The following OR56A3 variants were observed in gnomAD, a reference collection of about 807,000 sequenced individuals.
OR56A3 encodes the protein olfactory receptor 56A3.
Under a neutral mutation model 17.5 loss-of-function variants are expected in OR56A3, and 23 were observed. That is an observed-to-expected ratio of 1.32 (90% CI 0.95 to 1.87). The LOEUF (loss-of-function observed/expected upper bound fraction) is 1.87, where lower values mean the gene tolerates loss of function less well. Among genes scored for constraint, OR56A3 ranks in the 40% most tolerant of loss-of-function variants. OR56A3 has a pLI of 0.00. For missense variants in OR56A3, 366 were observed against 380.1 expected (o/e 0.96, Z 0.31); for synonymous variants, 175 against 150.6 (o/e 1.16, Z -1.19).
At chr11:6,001,815 G>T in the OR56A3 span, 2 of 445,460 alleles carry the variant, frequency 4.5e-6, no homozygotes, top group Non-Finnish European at 7.8e-6. Context: ...GATTAGATCA[G>T]GAAAAATTCC....
At chr11:6,001,930 A>G in the OR56A3 span, 1 of 970,894 alleles carries the variant, frequency 1.0e-6, no homozygotes, top group Admixed American at 3.0e-5. Flanking sequence ...TGAGAACAGA[A>G]GAATCCGAAC....
chr11:5,959,132 G>T, the OR56A3 span, among the ~76,000 whole-genome samples: 3 of 152,084 alleles, frequency 2.0e-5, no homozygotes, highest in Non-Finnish European at 4.4e-5. Context: ...CTTTCCTTTG[G>T]ATATATACCC....
the OR56A3 span, among the ~76,000 whole-genome samples, chr11:5,973,737 T>G: frequency 6.6e-6 from 1 of 152,214 alleles, no homozygotes; most frequent in Non-Finnish European, 1.5e-5. Context: ...ATTTTGTGGT[T>G]GAGCAGGCTG....
the OR56A3 span, chr11:6,002,425 G>A: frequency 1.9e-6 from 3 of 1,614,252 alleles, 1 homozygote; most frequent in South Asian, 3.3e-5. Flanking sequence ...TCACAAGAGA[G>A]TTTGGACACA....
At chr11:5,968,071 G>T in the OR56A3 span, 1 of 1,612,518 alleles carries the variant, frequency 6.2e-7, no homozygotes, top group South Asian at 1.1e-5. Flanking sequence ...GCGACAAATT[G>T]ATCAGTGATG....
At chr11:5,990,704 A>G in the OR56A3 span, among the ~76,000 whole-genome samples, 1 of 152,158 alleles carries the variant, frequency 6.6e-6, no homozygotes, top group South Asian at 2.1e-4. Context: ...CTAATAAAAG[A>G]CGAAGATACA....
the OR56A3 span, among the ~76,000 whole-genome samples, chr11:5,971,835 T>G: frequency 1.3e-5 from 2 of 152,186 alleles, no homozygotes; most frequent in Admixed American, 1.3e-4. Context: ...TCTGAAACTG[T>G]ACTACACAGA....
the OR56A3 span, among the ~76,000 whole-genome samples, chr11:5,966,479 A>G: frequency 1.3e-5 from 2 of 152,208 alleles, no homozygotes; most frequent in Non-Finnish European, 2.9e-5. Flanking sequence ...AATGATTCAA[A>G]AATAATATCT....
intron 1 of OR56A3, among the ~76,000 whole-genome samples, chr11:5,944,064 T>C (rs1590444056): frequency 6.6e-6 from 1 of 152,158 alleles, no homozygotes; most frequent in Non-Finnish European, 1.5e-5. Context: ...GCCCAGGGCA[T>C]GAAGAAGGGT....
chr11:5,987,497 A>G, the OR56A3 span, among the ~76,000 whole-genome samples: 2 of 152,186 alleles, frequency 1.3e-5, no homozygotes, highest in Admixed American at 6.5e-5. Flanking sequence ...TTACCCAAAT[A>G]TCCTTCTGAA....
At chr11:5,999,964 C>T in the OR56A3 span, 2 of 152,172 alleles carry the variant, frequency 1.3e-5, no homozygotes, top group Non-Finnish European at 2.9e-5. Context: ...AAGGAAACAA[C>T]AGGTGCTGGA....
At chr11:6,010,069 TTA>T in the OR56A3 span, among the ~76,000 whole-genome samples, 2 of 152,040 alleles carry the variant, frequency 1.3e-5, no homozygotes, top group South Asian at 2.1e-4. Flanking sequence ...AGGTGTTTTT[TTA>T]AAAAAAATAC....
the OR56A3 span, among the ~76,000 whole-genome samples, chr11:6,015,503 G>A: frequency 1.3e-5 from 2 of 152,212 alleles, no homozygotes; most frequent in African/African-American, 2.4e-5. Context: ...GTATTCTAGG[G>A]CTGCCAGCAG....
At chr11:5,986,844 AG>A in the OR56A3 span, 1 of 1,614,026 alleles carries the variant, frequency 6.2e-7, no homozygotes, top group Non-Finnish European at 8.5e-7. Flanking sequence ...CCAGGAGAAA[AG>A]AAGGCTGGGA....
In OR56A3 at chr11:5,947,697, C is replaced by T. The variant is rs746068914; in HGVS notation, c.351C>T (p.Cys117=). The change falls in exon 3 of 3, where the codon TGC becomes TGT. Residue 117 remains cysteine, a synonymous_variant. Coordinates refer to ENST00000641160, the MANE Select transcript of OR56A3 (RefSeq NM_001003443.3). ...IMNCFLAMES[C]TFMVMAYDRY... is the part of the protein sequence containing the mutation. ...ATTGTTTCCTAGCCATGGAGTCTTG[C>T]ACATTCATGGTCATGGCCTATGATC... is the stretch of plus-strand genomic sequence containing the variant. The T allele has an allele frequency of 3.1e-6, 5 of 1,614,084 alleles. No homozygotes were observed. In the African/African-American group the frequency reaches 4.0e-5, roughly 13 times the overall value.
the OR56A3 span, among the ~76,000 whole-genome samples, chr11:5,972,338 T>C: frequency 6.6e-6 from 1 of 152,152 alleles, no homozygotes; most frequent in Non-Finnish European, 1.5e-5. Context: ...TCAGAGCCCA[T>C]TGACTTTTTC....
At chr11:6,010,169 T>C in the OR56A3 span, among the ~76,000 whole-genome samples, 1 of 152,344 alleles carries the variant, frequency 6.6e-6, no homozygotes, top group South Asian at 2.1e-4. Flanking sequence ...AGCTATGTTA[T>C]ATATAACTTG....
chr11:5,982,455 C>T, the OR56A3 span, among the ~76,000 whole-genome samples: 5 of 152,120 alleles, frequency 3.3e-5, no homozygotes, highest in African/African-American at 4.8e-5. Context: ...GGAGCTATGG[C>T]AGTTGCCACT....
chr11:5,966,148 A>G, the OR56A3 span, among the ~76,000 whole-genome samples: 1 of 148,926 alleles, frequency 6.7e-6, no homozygotes, highest in East Asian at 2.0e-4. Flanking sequence ...AGGCAGGTGG[A>G]TCGCTTGAGC....
Sources: allele counts gnomAD v4.1 joint callset (sites outside exome capture counted in the v4.1 genomes callset), GRCh38; gene constraint gnomAD v4.1.1; transcripts MANE v1.5; gene names NCBI Gene and HGNC (gene_info 2026-07-23, HGNC 2026-07-21).